KIF11: variants seen among roughly 807,000 people sequenced by gnomAD.
The protein encoded by KIF11 is kinesin-like protein KIF11.
In KIF11, 9 loss-of-function variants were observed where a neutral mutation model predicts 121.0. The observed-to-expected ratio is 0.07, with a 90% CI of 0.04 to 0.13. KIF11 has a LOEUF of 0.13. Ranked by LOEUF, KIF11 falls within the 10% of genes least tolerant of loss-of-function variation. The pLI is 1.00. For missense variants in KIF11, 846 were observed against 1,217.5 expected (o/e 0.69, Z 4.54); for synonymous variants, 408 against 421.0 (o/e 0.97, Z 0.38).
In KIF11 at chr10:92,650,465, C is replaced by G. The variant is rs1406183966; in HGVS notation, c.2987C>G (p.Ser996Cys). ...YTEEPLSQEP[S>C]VDAGVDCSSI... ...GAAGAACCTCTAAGTCAAGAGCCAT[C>G]TGTAGATGCTGGTGTGGATTGTTCA... Residue 996 changes from serine to cysteine, a missense_variant, in exon 21 of 22, where the codon TCT becomes TGT. Ser to Cys is a moderately radical substitution (Grantham distance 112). Around this residue, in one of 5 missense-constraint regions of KIF11, gnomAD observed 492 missense variants for 603.4 expected, o/e 0.82. Transcript: ENST00000260731. 3 of 1,613,604 alleles carry G rather than the reference C, an allele frequency of 1.9e-6. No homozygotes were observed. The highest frequency in any genetic ancestry group is 2.5e-6 in the Non-Finnish European group (3 of 1,179,656).
chr10:92,595,060 A>T (rs1371617659), intron 1 of KIF11, among the ~76,000 whole-genome samples: 1 of 152,150 alleles, frequency 6.6e-6, no homozygotes, highest in Non-Finnish European at 1.5e-5. Context: ...TGCAGATCAC[A>T]TGTGGTTTAT....
At chr10:92,593,698 A>G (rs1844258906) in intron 1 of KIF11, among the ~76,000 whole-genome samples, 3 of 152,232 alleles carry the variant, frequency 2.0e-5, no homozygotes, top group African/African-American at 7.2e-5. Flanking sequence ...ACTATAGTCA[A>G]TAAAGATGTA....
chr10:92,644,100 A>T (rs1328641971), intron 17 of KIF11, among the ~76,000 whole-genome samples: 1 of 152,168 alleles, frequency 6.6e-6, no homozygotes, highest in African/African-American at 2.4e-5. Flanking sequence ...AGTATGATAT[A>T]CTTTCTTAAG....
chr10:92,620,078 C>CT (rs1270524883), intron 9 of KIF11, among the ~76,000 whole-genome samples: 2,567 of 125,440 alleles, frequency 0.02, 66 homozygotes, highest in African/African-American at 0.045. Context: ...GGTTCTTTGT[C>CT]TTTTTTTTTT....
At chr10:92,626,330 A>C (rs1458624641) in intron 10 of KIF11, among the ~76,000 whole-genome samples, 2 of 152,332 alleles carry the variant, frequency 1.3e-5, no homozygotes, top group Middle Eastern at 3.4e-3. Flanking sequence ...TGTTCAATAA[A>C]TGGTGCTGGG....
chr10:92,628,817 T>A lies in KIF11; in HGVS notation c.1227T>A (p.Ser409Arg), dbSNP rs773779463. The change falls in exon 11 of 22, where the codon AGT becomes AGA. Residue 409 changes from serine to arginine, a missense_variant. Physicochemically the swap from Ser to Arg is moderately radical, Grantham distance 110. This residue lies in a region of KIF11 where 95 missense variants were observed against 109.3 expected (regional missense o/e 0.87). Coordinates refer to ENST00000260731, the MANE Select transcript of KIF11 (RefSeq NM_004523.4). Reference protein sequence around the residue: ...YISEENFRVMSGKLTVQEEQI... With the variant: ...YISEENFRVMRGKLTVQEEQI... Reference sequence around the variant, plus strand: ...TTAAACTTTATTTTAGAGTCATGAGTGGAAAATTAACTGTTCAAGAAGAGC... The same window carrying A: ...TTAAACTTTATTTTAGAGTCATGAGAGGAAAATTAACTGTTCAAGAAGAGC... 2.5e-6 allele frequency: 4 copies of A among 1,583,004 alleles called. No homozygotes were observed.
intron 17 of KIF11, among the ~76,000 whole-genome samples, chr10:92,645,095 G>T (rs897941205): frequency 5.3e-5 from 8 of 152,180 alleles, no homozygotes; most frequent in African/African-American, 1.9e-4. Context: ...CAAGTAGACA[G>T]ATTTTGAAAG....
chr10:92,648,487 C>G, intron 19 of KIF11, 53 bp downstream of exon 19: 2 of 1,137,432 alleles, frequency 1.8e-6, no homozygotes, highest in South Asian at 3.1e-5. Flanking sequence ...GAATTCAACT[C>G]TATGTAGTGT....
At chr10:92,601,777 G>C (rs563442300) in intron 1 of KIF11, among the ~76,000 whole-genome samples, 13 of 151,670 alleles carry the variant, frequency 8.6e-5, no homozygotes, top group Admixed American at 7.2e-4. Flanking sequence ...CCTGGCTTCG[G>C]GTGATCCTCT....
chr10:92,597,538 T>A (rs1251077688), intron 1 of KIF11, among the ~76,000 whole-genome samples: 1 of 152,158 alleles, frequency 6.6e-6, no homozygotes, highest in East Asian at 1.9e-4. Context: ...GTGCTGGGAT[T>A]ATGAGTGTGA....
chr10:92,629,843 A>G (rs1271635268), intron 11 of KIF11, among the ~76,000 whole-genome samples: 2 of 152,042 alleles, frequency 1.3e-5, no homozygotes, highest in Non-Finnish European at 2.9e-5. Context: ...GTCTCAAACT[A>G]TGGGGCTCAA....
intron 5 of KIF11, 80 bp from the exon 6 acceptor site, chr10:92,609,301 AGAGT>A (rs1554859635): frequency 1.1e-3 from 667 of 600,600 alleles, no homozygotes; most frequent in African/African-American, 8.1e-3. Context: ...AGAGAGAGAG[AGAGT>A]GTGTGTGTGT....
intron 19 of KIF11, among the ~76,000 whole-genome samples, chr10:92,649,378 T>G (rs1844956405): frequency 6.6e-6 from 1 of 152,138 alleles, no homozygotes; most frequent in Non-Finnish European, 1.5e-5. Flanking sequence ...GGCAGGAGGA[T>G]CGTTTGAGCC....
chr10:92,605,263 A>G (rs1844415786), intron 1 of KIF11, among the ~76,000 whole-genome samples: 1 of 152,140 alleles, frequency 6.6e-6, no homozygotes, highest in African/African-American at 2.4e-5. Context: ...AAATGGGGCT[A>G]ATAATATTAC....
rs1844363065 is a variant in KIF11 at position 92,600,993 on chromosome 10, G to A, written c.78-5272G>A. 4.7e-5 allele frequency among the ~76,000 whole-genome samples: 7 copies of A among 150,106 alleles called. No individual in the cohort carries two copies. In the South Asian group the frequency reaches 1.3e-3, roughly 27 times the overall value. ...CTCTGCCTCAGCCTCCCAAGTAGCT[G>A]GGATTACATGCACATGCCACCACGC... is the stretch of plus-strand genomic sequence containing the variant. On this transcript the variant is annotated intron_variant, in intron 1 of 21. Coordinates refer to ENST00000260731, the MANE Select transcript of KIF11 (RefSeq NM_004523.4).
intron 10 of KIF11, among the ~76,000 whole-genome samples, chr10:92,625,976 C>A (rs985140773): frequency 6.6e-6 from 1 of 152,104 alleles, no homozygotes; most frequent in East Asian, 1.9e-4. Flanking sequence ...TAAGAAGAAT[C>A]AATATTGTTA....
At chr10:92,632,430 C>T (rs1187628686) in intron 12 of KIF11, 56 bp from the exon 13 acceptor site, 1 of 1,117,332 alleles carries the variant, frequency 8.9e-7, no homozygotes. Flanking sequence ...TAGATACTTT[C>T]ATCAGATTCC....
In KIF11 at chr10:92,613,261, A is replaced by C; in HGVS notation, c.790-116A>C. 9.1e-7 allele frequency: 1 copy of C among 1,094,918 alleles called. No individual in the cohort carries two copies. Among genetic ancestry groups the C allele is most frequent in the Non-Finnish European group, 1.3e-6 (1 of 771,908 alleles). 67.8% of individuals were successfully genotyped at this position (1,094,918 alleles called of 1,614,324 possible). On this transcript the variant is annotated intron_variant, in intron 7 of 21. Transcript: ENST00000260731. This position sits in a 1 kb window ranked among gnomAD's most constrained non-coding sequence, Gnocchi z 4.2. ...TTGTAGTGGGAGAAGAAATTTGTTA[A>C]TTACAGAAAAAATTATTTTGCTGGC...
intron 1 of KIF11, among the ~76,000 whole-genome samples, chr10:92,602,995 C>CAG (rs1844390846): frequency 6.6e-6 from 1 of 151,706 alleles, no homozygotes; most frequent in African/African-American, 2.4e-5. Flanking sequence ...GCTGGGATTA[C>CAG]AGGCGCCTGC....
Sources: gnomAD v4.1 joint callset for allele counts (sites outside exome capture counted in the v4.1 genomes callset) on GRCh38, gnomAD v4.1.1 for gene constraint, gnomAD v4.1.1 regional missense constraint, Gnocchi (gnomAD v3.1) non-coding constraint, MANE v1.5 for transcripts, NCBI Gene and HGNC (gene_info 2026-07-23, HGNC 2026-07-21) for gene names.